The following ASTN1 variants were observed in gnomAD, a reference collection of about 807,000 sequenced individuals.
The protein encoded by ASTN1 is astrotactin-1.
ASTN1 carries 41 observed loss-of-function variants against 140.7 expected under a neutral mutation model. The observed-to-expected ratio is 0.29, with a 90% CI of 0.23 to 0.38. The LOEUF (loss-of-function observed/expected upper bound fraction) is 0.38. Ranked by LOEUF, ASTN1 falls within the 10% of genes least tolerant of loss-of-function variation. ASTN1 has a pLI of 1.00. For missense variants in ASTN1, 1,479 were observed against 1,678.8 expected, an observed-to-expected ratio of 0.88 and a Z score of 2.08; for synonymous variants, 640 against 652.2, an observed-to-expected ratio of 0.98 and a Z score of 0.29.
chr1:177,118,508 A>G (rs1571810029), intron 1 of ASTN1, among the ~76,000 whole-genome samples: 2 of 152,194 alleles, frequency 1.3e-5, no homozygotes, highest in East Asian at 3.9e-4. Flanking sequence ...AGAAGCATAA[A>G]GAAAGCAGTT....
intron 20 of ASTN1, among the ~76,000 whole-genome samples, chr1:176,879,509 G>A (rs1209699587): frequency 6.6e-6 from 1 of 152,142 alleles, no homozygotes; most frequent in Non-Finnish European, 1.5e-5. Context: ...GGACTATAAT[G>A]AGAAACATCC....
rs562683201 is a variant in ASTN1, at chr1:177,149,257, A to AAT, written c.283+15135_283+15136dup. Among the ~76,000 whole-genome samples, 6 of 98,818 alleles carry AAT rather than the reference A, an allele frequency of 6.1e-5. 1 individual carries two copies. The highest frequency in any genetic ancestry group is 2.7e-4 in the African/African-American group (6 of 22,234). The allele number at this position is 98,818 out of a possible 152,430, so 64.8% of individuals were successfully genotyped here. A position where few individuals can be genotyped will look rare whatever the true frequency, so the allele number is the denominator to read the frequency against. On this transcript the variant is annotated intron_variant, in intron 1 of 22. Transcript: ENST00000361833. ...AAATATATATATACTATATATAGTAAATATATATATACTATATATAGTAAA... is the reference window on the plus strand; with the variant it reads ...AAATATATATATACTATATATAGTAAATATATATATATACTATATATAGTAAA...
At chr1:176,907,344 C>A (rs1670047352) in intron 16 of ASTN1, among the ~76,000 whole-genome samples, 2 of 152,170 alleles carry the variant, frequency 1.3e-5, no homozygotes, top group African/African-American at 4.8e-5. Context: ...GGGGAATATA[C>A]TCCTTAGGCA....
chr1:177,163,225 C>A (rs569950815), intron 1 of ASTN1, among the ~76,000 whole-genome samples: 1 of 152,292 alleles, frequency 6.6e-6, no homozygotes, highest in East Asian at 1.9e-4. Flanking sequence ...GCCTCCTAGA[C>A]ATTTTCTTTT....
At chr1:176,857,336 T>C (rs1174985588), downstream of ASTN1, 2 of 376,742 alleles carry the variant, frequency 5.3e-6, no homozygotes, top group Non-Finnish European at 9.4e-6. Flanking sequence ...GTTTGAAGTA[T>C]ATATTAATCA....
At chr1:176,899,160 T>C (rs12131188) in intron 16 of ASTN1, among the ~76,000 whole-genome samples, 127,531 of 152,224 alleles carry the variant, frequency 0.84, 53,598 homozygotes, top group Middle Eastern at 0.95. Flanking sequence ...TAAATAAATG[T>C]CATTTGCTTT....
intron 4 of ASTN1, 77 bp from the exon 5 acceptor site, chr1:177,029,818 T>C (rs956676353): frequency 2.2e-6 from 3 of 1,361,982 alleles, no homozygotes; most frequent in Non-Finnish European, 3.0e-6. Context: ...GCAAGTTCAA[T>C]GGGAAAATCA....
intron 12 of ASTN1, among the ~76,000 whole-genome samples, chr1:176,947,915 C>T (rs551889927): frequency 6.6e-6 from 1 of 152,258 alleles, no homozygotes; most frequent in South Asian, 2.1e-4. Flanking sequence ...ATTTATATAA[C>T]TTTGGCTGAA....
At position 177,044,146 on chromosome 1, in the gene ASTN1, A is replaced by T. The variant is rs1197399300; in HGVS notation, c.472-11297T>A. ...CTGTACAAGTCTTCAAATCCTTCCC[A>T]TCATTAATTTTAAGAAATGAAAAAA... On this transcript the variant is annotated intron_variant, in intron 2 of 22. Transcript: ENST00000361833. 2.0e-5 allele frequency among the ~76,000 whole-genome samples: 3 copies of T among 150,300 alleles called. No individual in the cohort carries two copies. In the Admixed American group the frequency reaches 2.0e-4, roughly 10 times the overall value.
chr1:176,904,968 G>A (rs1284712033), intron 16 of ASTN1, among the ~76,000 whole-genome samples: 1 of 152,184 alleles, frequency 6.6e-6, no homozygotes, highest in Admixed American at 6.5e-5. Context: ...TGAGTCCCTT[G>A]AGTTTGGGCA....
chr1:177,143,095 G>A (rs530068897), intron 1 of ASTN1, among the ~76,000 whole-genome samples: 6 of 152,144 alleles, frequency 3.9e-5, no homozygotes, highest in African/African-American at 7.2e-5. Flanking sequence ...ACCTTGCTCC[G>A]GAGTTCTTAG....
chr1:177,094,177 C>T (rs947945585), intron 1 of ASTN1, among the ~76,000 whole-genome samples: 2 of 152,122 alleles, frequency 1.3e-5, no homozygotes, highest in Non-Finnish European at 2.9e-5. Flanking sequence ...TAGATATTAT[C>T]CTCCACTGTA....
downstream of ASTN1, chr1:176,860,986 C>A (rs1667941630): frequency 1.3e-6 from 1 of 760,788 alleles, no homozygotes; most frequent in Non-Finnish European, 1.6e-6. Context: ...TGAAGTGTAA[C>A]CTTTAAAACC....
chr1:176,910,220 C>A (rs1326354741), intron 16 of ASTN1, among the ~76,000 whole-genome samples: 1 of 152,142 alleles, frequency 6.6e-6, no homozygotes, highest in African/African-American at 2.4e-5. Context: ...AAGAAGCAAC[C>A]AATGCTGGAA....
chr1:177,024,564 C>T lies in ASTN1; in HGVS notation c.1270+19G>A. On this transcript the variant is annotated intron_variant, in intron 6 of 22. Transcript: ENST00000361833. ...CCTTTTTGGGGGGCAAGGTCGCATC[C>T]TCAGAAGAACAGGCTCACCATCAGC... The T allele has an allele frequency of 6.2e-7, 1 of 1,611,540 alleles. No individual in the cohort carries two copies. Among genetic ancestry groups the T allele is most frequent in the South Asian group, 1.1e-5 (1 of 90,954 alleles).
rs1671950192 is a variant in ASTN1, at chr1:176,946,113, C to T, written c.2062G>A (p.Glu688Lys). The change falls in exon 13 of 23, where the codon GAG becomes AAG. Residue 688 changes from glutamate (E) to lysine (K), a missense_variant. Glu to Lys is a moderately conservative substitution (Grantham distance 56). Transcript: ENST00000361833. ...YNILMFCGCI[E>K]DYKLGVDGRS... Reference sequence around the variant, plus strand: ...CCATCCACACCAAGCTTGTAGTCCTCGATGCACCTAGCACAGAGGAGAGCT... The same window carrying T: ...CCATCCACACCAAGCTTGTAGTCCTTGATGCACCTAGCACAGAGGAGAGCT... 14 of 1,609,568 alleles carry T rather than the reference C, an allele frequency of 8.7e-6. No homozygotes were observed. The highest frequency in any genetic ancestry group is 1.2e-5 in the Non-Finnish European group (14 of 1,176,864).
chr1:176,986,726 A>G (rs1673925160), intron 8 of ASTN1, among the ~76,000 whole-genome samples: 1 of 152,118 alleles, frequency 6.6e-6, no homozygotes, highest in African/African-American at 2.4e-5. Context: ...TCTGTGTCTC[A>G]TTTCCTCCCA....
chr1:176,869,643 C>T (rs1403400347), intron 21 of ASTN1, among the ~76,000 whole-genome samples: 3 of 152,128 alleles, frequency 2.0e-5, no homozygotes, highest in South Asian at 2.1e-4. Flanking sequence ...ACTGCTGGAT[C>T]GCCACTGGGT....
In ASTN1 at chr1:176,949,275, C is replaced by T; in HGVS notation, c.1964G>A (p.Gly655Asp). 6.2e-7 allele frequency: 1 copy of T among 1,614,106 alleles called. No individual in the cohort carries two copies. The highest frequency in any genetic ancestry group is 8.5e-7 in the Non-Finnish European group (1 of 1,180,014). The change falls in exon 12 of 23, where the codon GGC (glycine) becomes GAC (aspartate). Residue 655 changes from glycine to aspartate, a missense_variant. Physicochemically the swap from Gly to Asp is moderately conservative, Grantham distance 94. Coordinates refer to ENST00000361833, the MANE Select transcript of ASTN1 (RefSeq NM_004319.3). ...CAGCTGCTCACAGCCGCCGTTGAAG[C>T]CGTCGGAACAGTCCACCCCGATGTG... The part of the protein sequence containing the change: ...DRHIGVDCSD[G>D]FNGGCEQLCL...
Sources: allele counts gnomAD v4.1 joint callset (sites outside exome capture counted in the v4.1 genomes callset), GRCh38; gene constraint gnomAD v4.1.1; transcripts MANE v1.5; gene names NCBI Gene and HGNC (gene_info 2026-07-23, HGNC 2026-07-21).